CYSLTR1: variants seen among roughly 807,000 people sequenced by gnomAD.
The protein encoded by CYSLTR1 is G-protein coupled receptor HG55.
In CYSLTR1, 1 loss-of-function variant was observed where a neutral mutation model predicts 2.1. The observed-to-expected ratio is 0.48, with a 90% CI of 0.17 to 2.28. CYSLTR1 has a LOEUF of 2.28. CYSLTR1 is among the 30% of genes most tolerant of loss of function. The pLI, the probability that CYSLTR1 is intolerant of heterozygous loss-of-function variation, is 0.26. For synonymous variants in CYSLTR1, 110 were observed against 89.6 expected (o/e 1.23, Z -1.28); for missense variants, 299 against 250.1 (o/e 1.20, Z -1.32).
intron 1 of CYSLTR1, among the ~76,000 whole-genome samples, chrX:78,285,692 TA>T (rs1922039726): frequency 8.9e-6 from 1 of 112,055 alleles, no homozygotes; most frequent in Non-Finnish European, 1.9e-5. Context: ...CACAAGCGAG[TA>T]AATGTCACAT....
At chrX:78,312,061 C>T in intron 1 of CYSLTR1, among the ~76,000 whole-genome samples, 1 of 111,855 alleles carries the variant, frequency 8.9e-6, no homozygotes, top group East Asian at 2.8e-4. Context: ...TGAGTCATCA[C>T]ATTACTCAAC....
At chrX:78,279,010 C>T (rs192839799) in intron 2 of CYSLTR1, among the ~76,000 whole-genome samples, 112 of 111,893 alleles carry the variant, frequency 1.0e-3, no homozygotes, top group Non-Finnish European at 1.5e-3. Context: ...AGAAAGCCTA[C>T]GAGAAAACTT....
chrX:78,291,948 T>C (rs778822070), intron 1 of CYSLTR1, among the ~76,000 whole-genome samples: 1 of 110,408 alleles, frequency 9.1e-6, no homozygotes, highest in South Asian at 3.8e-4. Flanking sequence ...TTTTGAAGAG[T>C]TTTTTTGTGT....
chrX:78,282,490 A>C (rs776505375), intron 2 of CYSLTR1, among the ~76,000 whole-genome samples: 9 of 112,570 alleles, frequency 8.0e-5, no homozygotes, highest in Non-Finnish European at 1.7e-4. Context: ...TTATCTTTTC[A>C]TTCCAATATA....
In CYSLTR1 at chrX:78,305,779, A is replaced by T. The variant is rs774930428; in HGVS notation, c.-115+21526T>A. The stretch of plus-strand genomic sequence containing the variant: ...TATTTTGCTTAGCATAACGCCCTCA[A>T]GGCTCATCCATGCAGTTGCATATTA... On this transcript the variant is annotated intron_variant, in intron 1 of 2. Coordinates refer to ENST00000373304, the MANE Select transcript of CYSLTR1 (RefSeq NM_006639.4). 3.2e-4 allele frequency among the ~76,000 whole-genome samples: 36 copies of T among 112,924 alleles called. 1 individual carries two copies. Among genetic ancestry groups the T allele is most frequent in the Non-Finnish European group, 4.3e-4 (23 of 53,354 alleles).
At chrX:78,288,556 T>C (rs1230254225) in intron 1 of CYSLTR1, among the ~76,000 whole-genome samples, 1 of 111,628 alleles carries the variant, frequency 9.0e-6, no homozygotes, top group African/African-American at 3.3e-5. Flanking sequence ...TTTATGTTTT[T>C]AAATTTTTTT....
intron 1 of CYSLTR1, among the ~76,000 whole-genome samples, chrX:78,326,174 G>A (rs1425042176): frequency 9.0e-6 from 1 of 111,648 alleles, no homozygotes; most frequent in Non-Finnish European, 1.9e-5. Context: ...TGTTTATGAT[G>A]TAAAAACAGA....
chrX:78,309,199 A>G (rs1046563234), intron 1 of CYSLTR1, among the ~76,000 whole-genome samples: 2 of 111,318 alleles, frequency 1.8e-5, no homozygotes, highest in Non-Finnish European at 3.8e-5. Flanking sequence ...AAAAATTGGT[A>G]TAAGTGTGCA....
intron 1 of CYSLTR1, among the ~76,000 whole-genome samples, chrX:78,296,532 C>T (rs1214445416): frequency 2.8e-4 from 31 of 111,428 alleles, no homozygotes; most frequent in Admixed American, 1.9e-3. Context: ...AATATGAAAA[C>T]GAAATATCTT....
At chrX:78,275,793 G>A (rs1921565629) in intron 2 of CYSLTR1, among the ~76,000 whole-genome samples, 1 of 111,473 alleles carries the variant, frequency 9.0e-6, no homozygotes, top group African/African-American at 3.3e-5. Flanking sequence ...GGTAATATCT[G>A]TTGAGTGCCA....
At chrX:78,320,004 T>G (rs1923576325) in intron 1 of CYSLTR1, 1 of 112,162 alleles carries the variant, frequency 8.9e-6, no homozygotes, top group African/African-American at 3.2e-5. Context: ...AGATTCTGGA[T>G]ATTGGCCCTT....
intron 1 of CYSLTR1, among the ~76,000 whole-genome samples, chrX:78,298,771 G>A (rs1922686581): frequency 9.0e-6 from 1 of 111,271 alleles, no homozygotes; most frequent in Non-Finnish European, 1.9e-5. Context: ...GCCTTTATAA[G>A]TGAAGTGTAT....
chrX:78,295,009 TG>T (rs1169062269), intron 1 of CYSLTR1, among the ~76,000 whole-genome samples: 2 of 112,025 alleles, frequency 1.8e-5, no homozygotes, highest in African/African-American at 6.5e-5. Context: ...CAAGTCCCAA[TG>T]AGATGAAACA....
At chrX:78,294,149 C>T (rs1308612369) in intron 1 of CYSLTR1, among the ~76,000 whole-genome samples, 1 of 112,103 alleles carries the variant, frequency 8.9e-6, no homozygotes, top group African/African-American at 3.2e-5. Flanking sequence ...ATGATGATGA[C>T]GTACAGATGT....
chrX:78,299,137 CA>C (rs1278318498), intron 1 of CYSLTR1, among the ~76,000 whole-genome samples: 1 of 111,519 alleles, frequency 9.0e-6, no homozygotes, highest in Non-Finnish European at 1.9e-5. Context: ...CATAAACAAA[CA>C]AACGAAAAAG....
intron 1 of CYSLTR1, among the ~76,000 whole-genome samples, chrX:78,291,265 A>T (rs1922311766): frequency 9.0e-6 from 1 of 111,344 alleles, no homozygotes; most frequent in African/African-American, 3.3e-5. Context: ...ATGTTTATTG[A>T]TTTGCATATG....
At chrX:78,302,146 C>A (rs1305076347) in intron 1 of CYSLTR1, among the ~76,000 whole-genome samples, 1 of 112,229 alleles carries the variant, frequency 8.9e-6, no homozygotes. Context: ...CAAACCATAT[C>A]ATCTCCCCTT....
chrX:78,322,959 G>A (rs745572750), intron 1 of CYSLTR1, among the ~76,000 whole-genome samples: 14 of 111,840 alleles, frequency 1.3e-4, no homozygotes, highest in African/African-American at 4.5e-4. Flanking sequence ...ACTAATGACA[G>A]TGTGTCCCCT....
intron 1 of CYSLTR1, among the ~76,000 whole-genome samples, chrX:78,297,574 G>C (rs6617083): frequency 0.015 from 1,693 of 111,166 alleles, 39 homozygotes; most frequent in African/African-American, 0.053. Flanking sequence ...TTATTGATCT[G>C]TTCAGGTTTT....
Sources: allele counts gnomAD v4.1 joint callset (sites outside exome capture counted in the v4.1 genomes callset), GRCh38; gene constraint gnomAD v4.1.1; transcripts MANE v1.5; gene names NCBI Gene and HGNC (gene_info 2026-07-23, HGNC 2026-07-21).